Variants in DNAJC6 observed in about 807,000 individuals in gnomAD.
DNAJC6 encodes the protein DnaJ heat shock protein family (Hsp40) member C6.
Under a neutral mutation model 110.0 loss-of-function variants are expected in DNAJC6, and 34 were observed. The observed-to-expected ratio is 0.31, with a 90% confidence interval of 0.24 to 0.41. The LOEUF (loss-of-function observed/expected upper bound fraction) is 0.41. Ranked by LOEUF, DNAJC6 falls within the 10% of genes least tolerant of loss-of-function variation. The pLI, the probability that DNAJC6 is intolerant of heterozygous loss-of-function variation, is 1.00. For missense variants in DNAJC6, 1,031 were observed against 1,207.8 expected (o/e 0.85, Z 2.17); for synonymous variants, 406 against 437.2 (o/e 0.93, Z 0.89).
chr1:65,366,303 C>A, intron 4 of DNAJC6, 107 bp downstream of exon 4: 1 of 1,215,754 alleles, frequency 8.2e-7, no homozygotes, highest in Non-Finnish European at 1.2e-6. Context: ...AGCTGAAAAA[C>A]TATACACTCT....
chr1:65,334,546 A>T (rs1645317865), intron 1 of DNAJC6, among the ~76,000 whole-genome samples: 2 of 152,244 alleles, frequency 1.3e-5, no homozygotes, highest in African/African-American at 4.8e-5. Flanking sequence ...TTTGTAAACC[A>T]TGTAACCCTG....
intron 1 of DNAJC6, among the ~76,000 whole-genome samples, chr1:65,315,361 A>G (rs1182452773): frequency 6.6e-6 from 1 of 152,060 alleles, no homozygotes; most frequent in Non-Finnish European, 1.5e-5. Context: ...AGAATTAAAG[A>G]TTACAGAAAG....
chr1:65,375,832 C>T (rs6676279), intron 4 of DNAJC6, among the ~76,000 whole-genome samples: 38,211 of 152,160 alleles, frequency 0.25, 8,337 homozygotes, highest in East Asian at 0.61. Context: ...TCTTCAGTGA[C>T]ACTGGCTTGT....
At chr1:65,379,620 A>G (rs1645799161) in intron 5 of DNAJC6, 96 bp downstream of exon 5, 4 of 1,489,890 alleles carry the variant, frequency 2.7e-6, no homozygotes, top group Non-Finnish European at 1.8e-6. Context: ...TGAGTTCAAT[A>G]GGATTTACTG....
At chr1:65,304,641 G>C (rs1162148450), upstream of DNAJC6, among the ~76,000 whole-genome samples, 5 of 152,200 alleles carry the variant, frequency 3.3e-5, no homozygotes, top group Admixed American at 6.5e-5. Context: ...TAAGAGCAGA[G>C]TCAGGAGAGG....
In DNAJC6 at chr1:65,395,017, T is replaced by C; in HGVS notation, c.2023T>C (p.Ser675Pro). 12 of 1,610,648 alleles carry C rather than the reference T, an allele frequency of 7.5e-6. No individual in the cohort carries two copies. Among genetic ancestry groups the C allele is most frequent in the Non-Finnish European group, 1.0e-5 (12 of 1,179,002 alleles). ...CTTTCTCCAGCCAACAAGAAGTCCT[T>C]CGCCCACAGTACATGGTAAGGAAAT... ...DPFLQPTRSP[S>P]PTVHASSTPA... is the part of the protein sequence containing the mutation. The change falls in exon 13 of 19, where the codon TCG becomes CCG. Residue 675 changes from serine to proline, a missense_variant. Ser to Pro is a moderately conservative substitution (Grantham distance 74). Coordinates refer to ENST00000371069, the MANE Select transcript of DNAJC6 (RefSeq NM_001256864.2).
chr1:65,314,523 T>C (rs1645131426), intron 1 of DNAJC6, among the ~76,000 whole-genome samples: 1 of 152,208 alleles, frequency 6.6e-6, no homozygotes, highest in Non-Finnish European at 1.5e-5. Flanking sequence ...GGAGTCTCAC[T>C]CTGTTGCCCA....
At chr1:65,411,184 C>A in intron 17 of DNAJC6, 66 bp from the exon 18 acceptor site, 1 of 1,519,316 alleles carries the variant, frequency 6.6e-7, no homozygotes. Flanking sequence ...TTTCTAGAGT[C>A]CTAGTGGAAA....
Position 65,300,561 on chromosome 1 carries a change from A to G in DNAJC6, c.-131+35629A>G, listed in dbSNP as rs1485958666. On this transcript the variant is annotated intron_variant, in intron 1 of 19. Transcript: ENST00000263441. ...GTGGCCACATGCCCAGCTAAAGGGC[A>G]CAGAAGCATAGAAGATGGAGAGCAA... Among the ~76,000 whole-genome samples, 5 of 152,356 alleles carry G rather than the reference A, an allele frequency of 3.3e-5. No individual in the cohort carries two copies. The East Asian group carries it at 9.6e-4, about 29-fold the overall frequency.
chr1:65,363,118 A>G (rs1022096655), intron 1 of DNAJC6, among the ~76,000 whole-genome samples: 1 of 152,182 alleles, frequency 6.6e-6, no homozygotes, highest in Non-Finnish European at 1.5e-5. Context: ...TAAAACCTTC[A>G]GATCTCTCAC....
chr1:65,374,436 G>A (rs1161903434), intron 4 of DNAJC6, among the ~76,000 whole-genome samples: 1 of 150,806 alleles, frequency 6.6e-6, no homozygotes, highest in East Asian at 1.9e-4. Flanking sequence ...TCCTTTTTTT[G>A]TGTCCTCTTC....
At chr1:65,354,227 A>G (rs1298599317) in intron 1 of DNAJC6, among the ~76,000 whole-genome samples, 1 of 152,182 alleles carries the variant, frequency 6.6e-6, no homozygotes, top group African/African-American at 2.4e-5. Context: ...GAATGGAGGC[A>G]TGAGAGACAA....
rs1394602559 is a variant in DNAJC6 at position 65,291,698 on chromosome 1, G to T, written c.-131+26766G>T. ...ATGAGATGTACTGAGTGCTGTTAAG[G>T]GTCAGATACTCTGCTGGGTGCTGTA... On this transcript the variant is annotated intron_variant, in intron 1 of 19. Transcript: ENST00000263441. 3.3e-5 allele frequency among the ~76,000 whole-genome samples: 5 copies of T among 152,092 alleles called. No individual in the cohort carries two copies. In the East Asian group the frequency reaches 9.6e-4, roughly 29 times the overall value.
chr1:65,299,349 T>C (rs1224338588), intron 1 of DNAJC6, among the ~76,000 whole-genome samples: 1 of 152,178 alleles, frequency 6.6e-6, no homozygotes, highest in Non-Finnish European at 1.5e-5. Flanking sequence ...ATTGAGATCA[T>C]GCAAGTAGAT....
At position 65,392,415 on chromosome 1, in the gene DNAJC6, T is replaced by A; in HGVS notation, c.1469-16T>A. The A allele has an allele frequency of 6.4e-7, 1 of 1,574,322 alleles. No homozygotes were observed. Among genetic ancestry groups the A allele is most frequent in the Non-Finnish European group, 8.6e-7 (1 of 1,160,096 alleles). On this transcript the variant is annotated splice_polypyrimidine_tract_variant and intron_variant, in intron 11 of 18. Transcript: ENST00000371069. Reference sequence around the variant, plus strand: ...GGTCAGCAACTAATCTCTTATGGTATACTGGCCTTCCTCAGATCAGAAATC... The same window carrying A: ...GGTCAGCAACTAATCTCTTATGGTAAACTGGCCTTCCTCAGATCAGAAATC...
intron 1 of DNAJC6, among the ~76,000 whole-genome samples, chr1:65,267,617 C>G (rs1032958039): frequency 1.3e-4 from 19 of 151,410 alleles, no homozygotes; most frequent in African/African-American, 4.6e-4. Context: ...TGAAATAAAT[C>G]ATAGCTCAGT....
At chr1:65,362,693 G>C (rs544209942) in intron 1 of DNAJC6, among the ~76,000 whole-genome samples, 1 of 152,176 alleles carries the variant, frequency 6.6e-6, no homozygotes, top group African/African-American at 2.4e-5. Flanking sequence ...GCTAGGGGTA[G>C]CAAAGCTGGG....
intron 1 of DNAJC6, among the ~76,000 whole-genome samples, chr1:65,281,652 A>G (rs1445644800): frequency 6.6e-6 from 1 of 151,820 alleles, no homozygotes; most frequent in African/African-American, 2.4e-5. Flanking sequence ...TCTGTCACCC[A>G]GACTGGAGTG....
intron 9 of DNAJC6, among the ~76,000 whole-genome samples, chr1:65,388,985 T>C (rs535393594): frequency 3.9e-4 from 59 of 152,312 alleles, no homozygotes; most frequent in African/African-American, 1.4e-3. Flanking sequence ...TAATGGATTT[T>C]GCCGTGCCAG....
Sources: allele counts gnomAD v4.1 joint callset (sites outside exome capture counted in the v4.1 genomes callset), GRCh38; gene constraint gnomAD v4.1.1; transcripts MANE v1.5; gene names NCBI Gene and HGNC (gene_info 2026-07-23, HGNC 2026-07-21).